Variants in FLI1 observed in about 807,000 individuals in gnomAD.
FLI1 encodes the protein Fli-1 proto-oncogene, ETS transcription factor.
FLI1 carries 13 observed loss-of-function variants against 53.1 expected under a neutral mutation model. The observed-to-expected ratio is 0.24, with a 90% confidence interval of 0.16 to 0.39. The LOEUF is 0.39. FLI1 is among the 10% of genes least tolerant of loss of function. FLI1 has a pLI of 1.00. For synonymous variants in FLI1, 244 were observed against 236.7 expected, an observed-to-expected ratio of 1.03 and a Z score of -0.28; for missense variants, 424 against 600.5, an observed-to-expected ratio of 0.71 and a Z score of 3.07.
intron 5 of FLI1, among the ~76,000 whole-genome samples, chr11:128,793,171 A>G (rs541590344): frequency 6.6e-6 from 1 of 152,084 alleles, no homozygotes; most frequent in Admixed American, 6.5e-5. Context: ...AATTTAATAA[A>G]TTTATTATTT....
At chr11:128,770,684 T>A (rs1314065379) in intron 3 of FLI1, among the ~76,000 whole-genome samples, 1 of 152,176 alleles carries the variant, frequency 6.6e-6, no homozygotes, top group Non-Finnish European at 1.5e-5. Context: ...TAAAATTGAA[T>A]TTGAGGCCTT....
At position 128,788,412 on chromosome 11, in the gene FLI1, T is replaced by A. The variant is rs548046927; in HGVS notation, c.655+6389T>A. 3.4e-3 allele frequency among the ~76,000 whole-genome samples: 518 copies of A among 152,188 alleles called. 3 individuals carry two copies. Among genetic ancestry groups the A allele is most frequent in the Non-Finnish European group, 6.2e-3 (425 of 68,012 alleles). ...TGAACCCGGGAGGCGGAGGTTGCAGTGAGCGAAGATCACACCACTGCACTC... is the reference window on the plus strand; with the variant it reads ...TGAACCCGGGAGGCGGAGGTTGCAGAGAGCGAAGATCACACCACTGCACTC... On this transcript the variant is annotated intron_variant, in intron 5 of 8. Coordinates refer to ENST00000527786, the MANE Select transcript of FLI1 (RefSeq NM_002017.5).
intron 1 of FLI1, among the ~76,000 whole-genome samples, chr11:128,699,293 C>G (rs1254356410): frequency 6.6e-6 from 1 of 151,976 alleles, no homozygotes; most frequent in African/African-American, 2.4e-5. Flanking sequence ...TAGTCTAATG[C>G]CAGTACTAAG....
At chr11:128,696,411 A>G (rs1029071051) in intron 1 of FLI1, among the ~76,000 whole-genome samples, 2 of 152,158 alleles carry the variant, frequency 1.3e-5, no homozygotes, top group Non-Finnish European at 2.9e-5. Flanking sequence ...TGTTCCCACA[A>G]TAGTTCAAAT....
intron 1 of FLI1, among the ~76,000 whole-genome samples, chr11:128,749,666 A>C (rs148809558): frequency 8.8e-4 from 134 of 152,356 alleles, no homozygotes; most frequent in African/African-American, 3.2e-3. Flanking sequence ...GATAAGAAAT[A>C]TTCTGATGGT....
chr11:128,728,594 C>G (rs1476419815), intron 1 of FLI1, among the ~76,000 whole-genome samples: 3 of 152,254 alleles, frequency 2.0e-5, no homozygotes, highest in African/African-American at 4.8e-5. Context: ...CCTTGGGCAC[C>G]CAGTATGCCC....
chr11:128,740,441 C>T (rs959948863), intron 1 of FLI1, among the ~76,000 whole-genome samples: 5 of 152,190 alleles, frequency 3.3e-5, no homozygotes, highest in Non-Finnish European at 5.9e-5. Flanking sequence ...CGCCAAAGAA[C>T]GAGACCCCAT....
chr11:128,796,004 CA>C, intron 5 of FLI1, among the ~76,000 whole-genome samples: 1 of 152,164 alleles, frequency 6.6e-6, no homozygotes, highest in East Asian at 1.9e-4. Context: ...CAGAGAGGTT[CA>C]ATAAGAGGTT....
exon 1 of FLI1, chr11:128,686,547 T>C (rs1265857540): frequency 4.5e-6 from 2 of 446,910 alleles, no homozygotes; most frequent in Admixed American, 2.4e-5. Context: ...AGTCTCTCCA[T>C]CTGCATCCCC....
At position 128,805,758 on chromosome 11, in the gene FLI1, ACT is replaced by A. The variant is rs1447357725; in HGVS notation, c.721+332_721+333del. ...TTTTGTTATTTAAATCAAGATAATG[ACT>A]CTCTATAATTTTGCTCCCGTAACTG... On this transcript the variant is annotated intron_variant, in intron 6 of 8. Transcript: ENST00000527786. 5 of 247,086 alleles carry A rather than the reference ACT, an allele frequency of 2.0e-5. No homozygotes were observed. The South Asian group carries it at 2.4e-4, about 12-fold the overall frequency. The allele number at this position is 247,086 out of a possible 1,614,324, so 15.3% of individuals were successfully genotyped here. A position where few individuals can be genotyped will look rare whatever the true frequency, so the allele number is the denominator to read the frequency against.
chr11:128,722,417 C>T (rs1029634608), intron 1 of FLI1, among the ~76,000 whole-genome samples: 4 of 152,182 alleles, frequency 2.6e-5, no homozygotes, highest in Admixed American at 2.6e-4. Flanking sequence ...TGATTATGGA[C>T]ACCTTGGCTG....
chr11:128,734,254 C>T (rs1007019534), intron 1 of FLI1, among the ~76,000 whole-genome samples: 1 of 152,154 alleles, frequency 6.6e-6, no homozygotes, highest in Non-Finnish European at 1.5e-5. Flanking sequence ...TCAGCCAAAA[C>T]GTTTGGAGGA....
chr11:128,778,038 C>A (rs1012689681), intron 4 of FLI1, among the ~76,000 whole-genome samples: 2 of 152,210 alleles, frequency 1.3e-5, no homozygotes, highest in African/African-American at 4.8e-5. Flanking sequence ...TTTCCCCATG[C>A]TTGCACTTTG....
At chr11:128,695,169 C>G (rs1372294450) in intron 1 of FLI1, among the ~76,000 whole-genome samples, 1 of 152,234 alleles carries the variant, frequency 6.6e-6, no homozygotes, top group Admixed American at 6.5e-5. Flanking sequence ...CAGCCGCCGC[C>G]GCCAAGCCTG....
At chr11:128,786,100 G>T (rs1591812106) in intron 5 of FLI1, among the ~76,000 whole-genome samples, 2 of 152,162 alleles carry the variant, frequency 1.3e-5, no homozygotes, top group African/African-American at 4.8e-5. Flanking sequence ...ACCTCCAAGG[G>T]TGACTCCTGG....
chr11:128,769,536 T>A (rs376223774), intron 3 of FLI1, among the ~76,000 whole-genome samples: 20 of 152,286 alleles, frequency 1.3e-4, no homozygotes, highest in African/African-American at 4.6e-4. Context: ...AAGCTGCATC[T>A]CACCATATCC....
Position 128,812,550 on chromosome 11 carries a change from A to G in FLI1, c.*1562A>G, listed in dbSNP as rs929403682. 8.9e-6 allele frequency: 2 copies of G among 224,766 alleles called. No individual in the cohort carries two copies. Among genetic ancestry groups the G allele is most frequent in the Admixed American group, 1.1e-4 (2 of 17,494 alleles). 13.9% of individuals were successfully genotyped at this position (224,766 alleles called of 1,614,324 possible). A position where few individuals can be genotyped will look rare whatever the true frequency, so the allele number is the denominator to read the frequency against. The stretch of plus-strand genomic sequence containing the variant: ...ACTGCAGTACAGCAGAAGGTAAAAA[A>G]TCAGTGTGGTTTTTCATTGTTGTTG... On this transcript the variant is annotated 3_prime_UTR_variant, in exon 9 of 9. Transcript: ENST00000527786.
intron 5 of FLI1, among the ~76,000 whole-genome samples, chr11:128,794,229 G>A (rs1226072646): frequency 6.6e-6 from 1 of 152,164 alleles, no homozygotes; most frequent in Non-Finnish European, 1.5e-5. Context: ...ATCCCCGTTG[G>A]CCATTTAGAG....
chr11:128,689,303 G>A (rs572858820), upstream of FLI1, among the ~76,000 whole-genome samples: 1 of 152,330 alleles, frequency 6.6e-6, no homozygotes, highest in East Asian at 1.9e-4. Context: ...GGAGTGCAAA[G>A]CACTTTCTCC....
Sources: allele counts gnomAD v4.1 joint callset (sites outside exome capture counted in the v4.1 genomes callset), GRCh38; gene constraint gnomAD v4.1.1; transcripts MANE v1.5; gene names NCBI Gene and HGNC (gene_info 2026-07-23, HGNC 2026-07-21).